Variants in AARSD1 observed in about 807,000 individuals in gnomAD.
AARSD1 encodes the protein alanyl-tRNA editing protein Aarsd1.
In AARSD1, 44 loss-of-function variants were observed where a neutral mutation model predicts 48.7. The ratio of observed to expected loss-of-function variants is 0.90; its 90% CI spans 0.71 to 1.16. The LOEUF is 1.16. AARSD1 is among the 50% of genes most tolerant of loss of function. The probability of loss-of-function intolerance (pLI) is 0.00; values close to 1 mark genes in which losing one functional copy is unlikely to be tolerated. For missense variants in AARSD1, 511 were observed against 523.1 expected, an observed-to-expected ratio of 0.98 and a Z score of 0.23; for synonymous variants, 189 against 194.9, an observed-to-expected ratio of 0.97 and a Z score of 0.25.
chr17:42,956,181 C>T, intron 6 of AARSD1, 23 bp downstream of exon 6: 1 of 1,613,978 alleles, frequency 6.2e-7, no homozygotes, highest in Non-Finnish European at 8.5e-7. Context: ...TTCTCAGCCA[C>T]TCCACAGCCG....
chr17:42,960,666 G>T (rs1280064697), intron 3 of AARSD1, among the ~76,000 whole-genome samples: 1 of 150,116 alleles, frequency 6.7e-6, no homozygotes, highest in Non-Finnish European at 1.5e-5. Context: ...AGGTTGCAGT[G>T]AGCCGAGATC....
intron 10 of AARSD1, among the ~76,000 whole-genome samples, chr17:42,952,733 C>A (rs12940307): frequency 0.94 from 142,408 of 152,086 alleles, 67,396 homozygotes; most frequent in South Asian, 1. Context: ...TAGAGACCAT[C>A]AGGAGTGGGA....
At chr17:42,955,407 G>A in intron 7 of AARSD1, 183 bp from the exon 8 acceptor site, 2 of 611,792 alleles carry the variant, frequency 3.3e-6, no homozygotes, top group Non-Finnish European at 2.7e-6. Flanking sequence ...ACTTTTCGTG[G>A]TTCTGATTTA....
At chr17:42,958,527 A>G (rs2049588559) in intron 3 of AARSD1, among the ~76,000 whole-genome samples, 1 of 151,524 alleles carries the variant, frequency 6.6e-6, no homozygotes, top group Non-Finnish European at 1.5e-5. Flanking sequence ...AATTAAATAA[A>G]ATTTATTTCA....
Position 42,957,198 on chromosome 17 carries a change from A to G in AARSD1, c.332-3T>C. On this transcript the variant is annotated splice_polypyrimidine_tract_variant and splice_region_variant and intron_variant, in intron 3 of 11. Coordinates refer to ENST00000427569, the MANE Select transcript of AARSD1 (RefSeq NM_001261434.2). ...AACTGCCGTGATGAGATGCTGCCCTAAGCAAAGAGAGCCAGAGACAGGAGA... is the reference window on the plus strand; with the variant it reads ...AACTGCCGTGATGAGATGCTGCCCTGAGCAAAGAGAGCCAGAGACAGGAGA... 2 of 1,613,658 alleles carry G rather than the reference A, an allele frequency of 1.2e-6. No homozygotes were observed. Among genetic ancestry groups the G allele is most frequent in the Non-Finnish European group, 1.7e-6 (2 of 1,179,812 alleles).
chr17:42,960,592 G>A (rs181896207), intron 3 of AARSD1, among the ~76,000 whole-genome samples: 3 of 151,420 alleles, frequency 2.0e-5, no homozygotes, highest in Admixed American at 2.0e-4. Context: ...CATGGTGGTG[G>A]GGGCCTATAA....
chr17:42,961,480 G>A (rs1203842874), intron 2 of AARSD1, 129 bp from the exon 3 acceptor site: 15 of 1,296,784 alleles, frequency 1.2e-5, no homozygotes, highest in African/African-American at 1.5e-5. Flanking sequence ...GCAATGCCAA[G>A]TGAAATGAGT....
chr17:42,953,136 C>T (rs958599468), intron 10 of AARSD1, among the ~76,000 whole-genome samples: 10 of 152,132 alleles, frequency 6.6e-5, no homozygotes, highest in Non-Finnish European at 1.2e-4. Context: ...CATGCCACCA[C>T]GCCTAGCTAA....
At chr17:42,964,054 G>C (rs372026477) in intron 2 of AARSD1, 52 bp downstream of exon 2, 6 of 1,610,406 alleles carry the variant, frequency 3.7e-6, no homozygotes, top group African/African-American at 2.7e-5. Context: ...AGAGCATTTC[G>C]GCCTGAGCAC....
At position 42,964,103 on chromosome 17, in the gene AARSD1, T is replaced by C. The variant is rs2049677740; in HGVS notation, c.171+3A>G. 6.2e-7 allele frequency: 1 copy of C among 1,614,160 alleles called. No homozygotes were observed. Among genetic ancestry groups the C allele is most frequent in the Non-Finnish European group, 8.5e-7 (1 of 1,180,032 alleles). On this transcript the variant is annotated splice_donor_region_variant and intron_variant, in intron 2 of 11. Transcript: ENST00000427569. ...GCTTCCTGGGAAGAGATCGTTTTGG[T>C]ACCTGTCCCCCGCCCTCAGGGAAAA...
chr17:42,960,084 C>T (rs1334339802), intron 3 of AARSD1, among the ~76,000 whole-genome samples: 1 of 151,522 alleles, frequency 6.6e-6, no homozygotes, highest in African/African-American at 2.4e-5. Context: ...GCCTGGCCAA[C>T]ATGGTGAAAC....
chr17:42,955,889 C>T lies in AARSD1; in HGVS notation c.747G>A (p.Trp249Ter). ...TTTCAGTTCCATGACTTCTCTCCATCCACTTCAGCACCCGGTTCCCAGACA... is the reference window on the plus strand; with the variant it reads ...TTTCAGTTCCATGACTTCTCTCCATTCACTTCAGCACCCGGTTCCCAGACA... ...IFLSGNRVLK[W>*]MERSHGTEKA... is the part of the protein sequence containing the mutation. Residue 249 changes from tryptophan to a stop codon, truncating the protein, a stop_gained, in exon 7 of 12, where the codon TGG becomes TGA. Coordinates refer to ENST00000427569, the MANE Select transcript of AARSD1 (RefSeq NM_001261434.2). LOFTEE classifies it high-confidence loss of function. 1 of 1,614,146 alleles carries T rather than the reference C, an allele frequency of 6.2e-7. No individual in the cohort carries two copies. The highest frequency in any genetic ancestry group is 8.5e-7 in the Non-Finnish European group (1 of 1,180,038).
At chr17:42,956,016 T>G (rs1441470653) in intron 6 of AARSD1, 44 bp from the exon 7 acceptor site, 7 of 1,613,164 alleles carry the variant, frequency 4.3e-6, no homozygotes, top group Non-Finnish European at 5.9e-6. Context: ...CGTGTGCACA[T>G]GCATAAACCA....
rs1338085768 is a variant in AARSD1 at position 42,964,410 on chromosome 17, C to G, written c.31G>C (p.Ala11Pro). 1 of 1,551,314 alleles carries G rather than the reference C, an allele frequency of 6.4e-7. No individual in the cohort carries two copies. The highest frequency in any genetic ancestry group is 2.0e-5 in the Admixed American group (1 of 51,052). The change falls in exon 1 of 12, where the codon GCC becomes CCC. Residue 11 changes from alanine (A) to proline (P), a missense_variant. Coordinates refer to ENST00000427569, the MANE Select transcript of AARSD1 (RefSeq NM_001261434.2). MAFWCQRDSYAREFTTTVVSC... is the reference protein window; with the variant it reads MAFWCQRDSYPREFTTTVVSC... ...TCGCCGTGACGCCGTACCTCTCGGG[C>G]ATAACTGTCACGCTGACACCAGAAC...
intron 3 of AARSD1, among the ~76,000 whole-genome samples, chr17:42,958,803 G>T (rs2049592513): frequency 9.6e-6 from 1 of 104,710 alleles, no homozygotes; most frequent in South Asian, 3.6e-4. Flanking sequence ...CTGACCTCAG[G>T]TGATCTGCCC....
chr17:42,956,339 G>T lies in AARSD1; in HGVS notation c.547-19C>A, dbSNP rs2049551251. On this transcript the variant is annotated intron_variant, in intron 5 of 11. Transcript: ENST00000427569. ...CACTCACCTGGACTCAAGGAGAGGG[G>T]AGGGACTGTCTGAATCTGATGAGGA... 12 of 1,614,062 alleles carry T rather than the reference G, an allele frequency of 7.4e-6. No individual in the cohort carries two copies. Among genetic ancestry groups the T allele is most frequent in the Non-Finnish European group, 1.0e-5 (12 of 1,180,050 alleles).
In AARSD1 at chr17:42,956,277, C is replaced by T. The variant is rs199745290; in HGVS notation, c.590G>A (p.Arg197Gln). ...ATCAACGCCCTCGATGTTAACAACCCGAATGGGCCCAGCATGATCATCAGG... is the reference window on the plus strand; with the variant it reads ...ATCAACGCCCTCGATGTTAACAACCTGAATGGGCCCAGCATGATCATCAGG... ...GLPDDHAGPI[R>Q]VVNIEGVDSN... The change falls in exon 6 of 12, where the codon CGG (arginine) becomes CAG (glutamine). Residue 197 changes from arginine (R) to glutamine (Q), a missense_variant. Physicochemically the swap from Arg to Gln is conservative, Grantham distance 43 (BLOSUM62 1). Transcript: ENST00000427569. 5.6e-6 allele frequency: 9 copies of T among 1,613,998 alleles called. No homozygotes were observed. The highest frequency in any genetic ancestry group is 5.0e-5 in the Admixed American group (3 of 59,976).
intron 4 of AARSD1, among the ~76,000 whole-genome samples, 180 bp downstream of exon 4, chr17:42,956,958 C>CAT (rs2049564795): frequency 8.4e-6 from 1 of 119,604 alleles, no homozygotes; most frequent in Non-Finnish European, 1.7e-5. Context: ...TGAGCCACTG[C>CAT]GCCTGGCCTT....
chr17:42,955,000 G>T, intron 8 of AARSD1, 33 bp from the exon 9 acceptor site: 1 of 1,613,818 alleles, frequency 6.2e-7, no homozygotes, highest in South Asian at 1.1e-5. Flanking sequence ...GTAGATAAAT[G>T]GAAAGGATAA....
Sources: allele counts gnomAD v4.1 joint callset (sites outside exome capture counted in the v4.1 genomes callset), GRCh38; gene constraint gnomAD v4.1.1; transcripts MANE v1.5; gene names NCBI Gene and HGNC (gene_info 2026-07-23, HGNC 2026-07-21).